The following FBXO22 variants were observed in gnomAD, a reference collection of about 807,000 sequenced individuals.
FBXO22 encodes F-box only protein 22.
Under a neutral mutation model 37.2 loss-of-function variants are expected in FBXO22, and 13 were observed. That is an observed-to-expected ratio of 0.35 (90% confidence interval 0.23 to 0.56). The LOEUF (loss-of-function observed/expected upper bound fraction) is 0.56. FBXO22 is among the 20% of genes least tolerant of loss of function. The pLI is 0.87. For missense variants in FBXO22, 446 were observed against 509.9 expected (o/e 0.87, Z 1.21); for synonymous variants, 189 against 189.1 (o/e 1.00, Z 0.00).
intron 5 of FBXO22, among the ~76,000 whole-genome samples, chr15:75,926,468 G>A (rs534985676): frequency 6.6e-6 from 1 of 152,296 alleles, no homozygotes; most frequent in African/African-American, 2.4e-5. Flanking sequence ...TTGGGGTAGG[G>A]GAAAGTGATT....
intron 6 of FBXO22, chr15:75,930,613 T>C (rs1164559366): frequency 1.0e-6 from 1 of 985,494 alleles, no homozygotes; most frequent in African/African-American, 1.7e-5. Context: ...ATCTTTTTTG[T>C]TACTAAGGCT....
chr15:75,907,359 G>A (rs1899953097), intron 2 of FBXO22, among the ~76,000 whole-genome samples: 1 of 152,134 alleles, frequency 6.6e-6, no homozygotes, highest in Non-Finnish European at 1.5e-5. Context: ...TACAATACCA[G>A]GAGCATAAGT....
At chr15:75,923,369 G>C (rs992302592) in intron 5 of FBXO22, among the ~76,000 whole-genome samples, 1 of 152,222 alleles carries the variant, frequency 6.6e-6, no homozygotes, top group Admixed American at 6.5e-5. Context: ...GATGTCAGCA[G>C]TTTTGGCTTA....
intron 5 of FBXO22, 30 bp downstream of exon 5, chr15:75,917,424 T>C (rs1313909291): frequency 6.8e-7 from 1 of 1,465,736 alleles, no homozygotes; most frequent in Non-Finnish European, 9.3e-7. Context: ...CATTAACTGC[T>C]CATTTTATTG....
chr15:75,906,949 CAG>C (rs574621362), intron 2 of FBXO22, among the ~76,000 whole-genome samples: 71 of 152,124 alleles, frequency 4.7e-4, no homozygotes, highest in Admixed American at 1.6e-3. Flanking sequence ...AAAGTGAAAA[CAG>C]ATTATGAAAT....
intron 5 of FBXO22, among the ~76,000 whole-genome samples, chr15:75,921,985 A>G (rs1396887730): frequency 1.3e-5 from 2 of 151,796 alleles, no homozygotes; most frequent in Non-Finnish European, 2.9e-5. Flanking sequence ...GCTGTTTTAC[A>G]GTTAACTTTT....
chr15:75,937,167 T>C lies in FBXO22; in HGVS notation c.*4065T>C, dbSNP rs1311339976. 1 of 149,796 alleles carries C rather than the reference T, an allele frequency of 6.7e-6. No homozygotes were observed. The highest frequency in any genetic ancestry group is 1.5e-5 in the Non-Finnish European group (1 of 67,540). 9.3% of individuals were successfully genotyped at this position (149,796 alleles called of 1,614,324 possible). A position where few individuals can be genotyped will look rare whatever the true frequency, so the allele number is the denominator to read the frequency against. On this transcript the variant is annotated 3_prime_UTR_variant, in exon 7 of 7. Coordinates refer to ENST00000308275, the MANE Select transcript of FBXO22 (RefSeq NM_147188.3). ...TTGACCCCAGCGACATCAGCAAAAATGGGTGGACTAGGAAGCTGCAAGCTT... is the reference window on the plus strand; with the variant it reads ...TTGACCCCAGCGACATCAGCAAAAACGGGTGGACTAGGAAGCTGCAAGCTT...
rs985317410 is a variant in FBXO22 at position 75,941,850 on chromosome 15, C to T, written c.*8748C>T. 7.1e-6 allele frequency: 1 copy of T among 141,494 alleles called. No individual in the cohort carries two copies. The highest frequency in any genetic ancestry group is 2.1e-4 in the East Asian group (1 of 4,738). The allele number at this position is 141,494 out of a possible 1,614,324, so 8.8% of individuals were successfully genotyped here. Reference sequence around the variant, plus strand: ...GCATAGTGGTGACTGGTACATACAACGAATGTATTTAATGCCTTTAAACTG... The same window carrying T: ...GCATAGTGGTGACTGGTACATACAATGAATGTATTTAATGCCTTTAAACTG... On this transcript the variant is annotated 3_prime_UTR_variant, in exon 7 of 7. Transcript: ENST00000308275.
Position 75,926,876 on chromosome 15 carries a change from T to C in FBXO22, c.629-3008T>C, listed in dbSNP as rs147682596. 2.2e-3 allele frequency among the ~76,000 whole-genome samples: 339 copies of C among 152,250 alleles called. 5 individuals carry two copies. The highest frequency in any genetic ancestry group is 7.9e-3 in the African/African-American group (329 of 41,530). On this transcript the variant is annotated intron_variant, in intron 5 of 6. Coordinates refer to ENST00000308275, the MANE Select transcript of FBXO22 (RefSeq NM_147188.3). ...ATTTATGCAGATGTCTCAGAGTAGG[T>C]GGGTGAATTACTGATCTCTTGTTTT...
intron 4 of FBXO22, among the ~76,000 whole-genome samples, chr15:75,914,505 G>T (rs1900140054): frequency 6.6e-6 from 1 of 152,124 alleles, no homozygotes; most frequent in Non-Finnish European, 1.5e-5. Context: ...AGTTTTGTCA[G>T]TTCAAGCAGT....
Position 75,930,000 on chromosome 15 carries a change from A to T in FBXO22, c.745A>T (p.Ile249Phe). The change falls in exon 6 of 7, where the codon ATC (isoleucine) becomes TTC (phenylalanine). Residue 249 changes from isoleucine (I) to phenylalanine (F), a missense_variant. Ile to Phe is a conservative substitution (Grantham distance 21). Transcript: ENST00000308275. ...VVSTFSDMNI[I>F]LAGGQVDNLS... ...CAGCACTTTCAGTGATATGAATATC[A>T]TCTTGGCTGGAGGCCAGGTGGACAA... 6.2e-7 allele frequency: 1 copy of T among 1,614,122 alleles called. No homozygotes were observed. Among genetic ancestry groups the T allele is most frequent in the Non-Finnish European group, 8.5e-7 (1 of 1,179,980 alleles).
chr15:75,904,023 C>T lies in FBXO22; in HGVS notation c.60C>T (p.Thr20=), dbSNP rs1284279481. The change falls in exon 1 of 7, where the codon ACC becomes ACT. Residue 20 remains threonine, a synonymous_variant. Transcript: ENST00000308275. The stretch of plus-strand genomic sequence containing the variant: ...GCTCCTCCGTAGACCCGCGGAGCAC[C>T]TTCGTGTTGAGTAACCTGGCGGAGG... ...CRGSSVDPRS[T]FVLSNLAEVV... 6.3e-7 allele frequency: 1 copy of T among 1,577,234 alleles called. No homozygotes were observed. The highest frequency in any genetic ancestry group is 2.3e-5 in the East Asian group (1 of 43,292).
intron 4 of FBXO22, 49 bp from the exon 5 acceptor site, chr15:75,917,181 T>A (rs779940061): frequency 2.2e-6 from 3 of 1,369,890 alleles, no homozygotes; most frequent in Non-Finnish European, 3.1e-6. Flanking sequence ...ACTGTAGTTA[T>A]CTAGTTTTTA....
intron 2 of FBXO22, among the ~76,000 whole-genome samples, chr15:75,911,290 A>C (rs1900046199): frequency 6.6e-6 from 1 of 151,872 alleles, no homozygotes; most frequent in Non-Finnish European, 1.5e-5. Flanking sequence ...GTTTTTTCTC[A>C]CTCTGTGAAG....
chr15:75,932,517 T>C (rs1449561774), intron 6 of FBXO22, among the ~76,000 whole-genome samples, 168 bp from the exon 7 acceptor site: 1 of 152,216 alleles, frequency 6.6e-6, no homozygotes, highest in African/African-American at 2.4e-5. Flanking sequence ...TTTTTATGTA[T>C]TAATTTTGAT....
rs2030967284 is a variant in FBXO22, at chr15:75,941,654, A to G, written c.*8552A>G. ...ACCTTTCAGACATTAAGTAAATCACAAAAGGACAATACTATATGAATCCAC... is the reference window on the plus strand; with the variant it reads ...ACCTTTCAGACATTAAGTAAATCACGAAAGGACAATACTATATGAATCCAC... On this transcript the variant is annotated 3_prime_UTR_variant, in exon 7 of 7. Coordinates refer to ENST00000308275, the MANE Select transcript of FBXO22 (RefSeq NM_147188.3). 6.6e-6 allele frequency: 1 copy of G among 152,206 alleles called. No individual in the cohort carries two copies. The highest frequency in any genetic ancestry group is 6.5e-5 in the Admixed American group (1 of 15,280). 9.4% of individuals were successfully genotyped at this position (152,206 alleles called of 1,614,324 possible). A position where few individuals can be genotyped will look rare whatever the true frequency, so the allele number is the denominator to read the frequency against.
intron 5 of FBXO22, among the ~76,000 whole-genome samples, chr15:75,924,625 C>T (rs1900400739): frequency 6.6e-6 from 1 of 152,248 alleles, no homozygotes; most frequent in Admixed American, 6.5e-5. Context: ...TGCACTTCTT[C>T]CTCTAAACCT....
chr15:75,909,649 G>C (rs796395084), intron 2 of FBXO22, among the ~76,000 whole-genome samples: 16 of 152,222 alleles, frequency 1.1e-4, no homozygotes, highest in African/African-American at 3.9e-4. Flanking sequence ...AGAAATTATA[G>C]GTGTTTAGTA....
At position 75,941,629 on chromosome 15, in the gene FBXO22, A is replaced by C. The variant is rs1380313925; in HGVS notation, c.*8527A>C. 6.6e-6 allele frequency: 1 copy of C among 152,210 alleles called. No individual in the cohort carries two copies. The highest frequency in any genetic ancestry group is 2.4e-5 in the African/African-American group (1 of 41,458). 9.4% of individuals were successfully genotyped at this position (152,210 alleles called of 1,614,324 possible). The stretch of plus-strand genomic sequence containing the variant: ...CTTCTACATACTACATCATGGATGA[A>C]CCTTTCAGACATTAAGTAAATCACA... On this transcript the variant is annotated 3_prime_UTR_variant, in exon 7 of 7. Coordinates refer to ENST00000308275, the MANE Select transcript of FBXO22 (RefSeq NM_147188.3).
Sources: gnomAD v4.1 joint callset for allele counts (sites outside exome capture counted in the v4.1 genomes callset) on GRCh38, gnomAD v4.1.1 for gene constraint, MANE v1.5 for transcripts, NCBI Gene and HGNC (gene_info 2026-07-23, HGNC 2026-07-21) for gene names.